SLC35D4: variants seen among roughly 807,000 people sequenced by gnomAD.
SLC35D4 encodes solute carrier family 35 member D4, also known as UDP-N-acetylglucosamine transporter SLC35D4.
chr18:23,350,197 GT>G, the SLC35D4 span, among the ~76,000 whole-genome samples: 6 of 152,350 alleles, frequency 3.9e-5, no homozygotes, highest in Admixed American at 1.3e-4. Context: ...AATTGTGAAT[GT>G]GAAATCTGTC....
At chr18:23,274,589 T>A in the SLC35D4 span, among the ~76,000 whole-genome samples, 1 of 152,086 alleles carries the variant, frequency 6.6e-6, no homozygotes, top group Admixed American at 6.6e-5. Flanking sequence ...AGTGGGTCCA[T>A]CCTCTCCCTG....
At chr18:23,369,516 T>C in the SLC35D4 span, among the ~76,000 whole-genome samples, 1 of 152,140 alleles carries the variant, frequency 6.6e-6, no homozygotes, top group Non-Finnish European at 1.5e-5. Context: ...GTAAGTCAAA[T>C]TAGGACGGGG....
At chr18:23,274,142 T>A in the SLC35D4 span, among the ~76,000 whole-genome samples, 1 of 152,142 alleles carries the variant, frequency 6.6e-6, no homozygotes, top group African/African-American at 2.4e-5. Flanking sequence ...CACTCTGTTA[T>A]CTATTCTGGT....
the SLC35D4 span, among the ~76,000 whole-genome samples, chr18:23,337,995 G>A: frequency 3.3e-5 from 5 of 152,180 alleles, no homozygotes; most frequent in African/African-American, 4.8e-5. Flanking sequence ...CAGGGATGGC[G>A]GTCATGTTAC....
chr18:23,238,562 C>T, the SLC35D4 span, among the ~76,000 whole-genome samples: 1 of 152,246 alleles, frequency 6.6e-6, no homozygotes, highest in Admixed American at 6.5e-5. Flanking sequence ...TTTAAAAAAC[C>T]AGGGCATATT....
chr18:23,433,738 T>C, the SLC35D4 span, among the ~76,000 whole-genome samples: 6 of 152,272 alleles, frequency 3.9e-5, no homozygotes, highest in South Asian at 4.1e-4. Context: ...TATAAGATCT[T>C]TTTCAAAAGA....
chr18:23,402,589 G>A, the SLC35D4 span, among the ~76,000 whole-genome samples: 1 of 152,124 alleles, frequency 6.6e-6, no homozygotes, highest in Admixed American at 6.6e-5. Context: ...AGGATAATTT[G>A]AGTCTGGGAG....
At chr18:23,324,735 G>C in the SLC35D4 span, among the ~76,000 whole-genome samples, 1 of 152,172 alleles carries the variant, frequency 6.6e-6, no homozygotes, top group Non-Finnish European at 1.5e-5. Context: ...AATTACCAGG[G>C]GAGGAAGAGT....
the SLC35D4 span, among the ~76,000 whole-genome samples, chr18:23,313,126 C>CAAAAAAAAAAAAAAAAAAAAAAAAAA: frequency 4.7e-4 from 14 of 29,488 alleles, 4 homozygotes; most frequent in Non-Finnish European, 8.0e-4. Flanking sequence ...GACTACATCT[C>CAAAAAAAAAAAAAAAAAAAAAAAAAA]AAAAAAAAAA....
At chr18:23,324,873 G>C in the SLC35D4 span, among the ~76,000 whole-genome samples, 20 of 152,256 alleles carry the variant, frequency 1.3e-4, no homozygotes, top group Non-Finnish European at 4.4e-5. Flanking sequence ...GAAAACCGAA[G>C]AGAGTGAAAA....
chr18:23,399,693 T>C, the SLC35D4 span: 1 of 1,595,084 alleles, frequency 6.3e-7, no homozygotes, highest in Non-Finnish European at 8.6e-7. Flanking sequence ...CACTTTTTGT[T>C]AAGAAAGACC....
At chr18:23,303,083 G>A in the SLC35D4 span, among the ~76,000 whole-genome samples, 1 of 152,186 alleles carries the variant, frequency 6.6e-6, no homozygotes, top group South Asian at 2.1e-4. Context: ...AAAGTCCCAT[G>A]CCACAGGGAT....
At chr18:23,251,826 C>G in the SLC35D4 span, among the ~76,000 whole-genome samples, 1 of 152,136 alleles carries the variant, frequency 6.6e-6, no homozygotes, top group East Asian at 1.9e-4. Context: ...TGGCTCACGC[C>G]TGTAATCCCA....
chr18:23,399,832 T>G, the SLC35D4 span, among the ~76,000 whole-genome samples: 1 of 152,240 alleles, frequency 6.6e-6, no homozygotes, highest in Admixed American at 6.5e-5. Context: ...AAAGCCATCC[T>G]ACCTACAATC....
chr18:23,384,001 T>TTGG, the SLC35D4 span, among the ~76,000 whole-genome samples: 2 of 37,440 alleles, frequency 5.3e-5, no homozygotes, highest in South Asian at 1.5e-3. Context: ...TTCCAAAAAT[T>TTGG]GGGGGGGGGG....
chr18:23,401,629 A>G, the SLC35D4 span, among the ~76,000 whole-genome samples: 1 of 152,196 alleles, frequency 6.6e-6, no homozygotes, highest in Admixed American at 6.5e-5. Context: ...CAGAGCACAT[A>G]CTGCAGGCAG....
chr18:23,434,944 G>A, the SLC35D4 span, among the ~76,000 whole-genome samples: 1 of 152,012 alleles, frequency 6.6e-6, no homozygotes, highest in African/African-American at 2.4e-5. Context: ...GATCACCTGA[G>A]GTCAGGAGTT....
the SLC35D4 span, among the ~76,000 whole-genome samples, chr18:23,404,646 G>A: frequency 2.0e-5 from 3 of 146,604 alleles, no homozygotes; most frequent in Non-Finnish European, 4.5e-5. Flanking sequence ...CCGAGATCAC[G>A]CCATTGCACT....
chr18:23,313,051 C>T, the SLC35D4 span, among the ~76,000 whole-genome samples: 16 of 140,496 alleles, frequency 1.1e-4, no homozygotes, highest in Non-Finnish European at 2.0e-4. Flanking sequence ...CGCTGGAACC[C>T]GGGAGAGGGA....
Sources: gnomAD v4.1 joint callset for allele counts (sites outside exome capture counted in the v4.1 genomes callset) on GRCh38, gnomAD v4.1.1 for gene constraint, MANE v1.5 for transcripts, NCBI Gene and HGNC (gene_info 2026-07-23, HGNC 2026-07-21) for gene names.